The following ZBTB20 variants were observed in gnomAD, a reference collection of about 807,000 sequenced individuals.
ZBTB20 encodes the protein zinc finger and BTB domain containing 20.
Under a neutral mutation model 56.9 loss-of-function variants are expected in ZBTB20, and 9 were observed. The observed-to-expected ratio is 0.16, with a 90% CI of 0.10 to 0.28. The LOEUF (loss-of-function observed/expected upper bound fraction) is 0.28, where lower values mean the gene tolerates loss of function less well. Ranked by LOEUF, ZBTB20 falls within the 10% of genes least tolerant of loss-of-function variation. The pLI is 1.00. For missense variants in ZBTB20, 655 were observed against 1,003.0 expected (o/e 0.65, Z 4.69); for synonymous variants, 417 against 420.7 (o/e 0.99, Z 0.11).
At chr3:114,561,039 A>C (rs887493078) in intron 6 of ZBTB20, among the ~76,000 whole-genome samples, 5 of 152,224 alleles carry the variant, frequency 3.3e-5, no homozygotes, top group Non-Finnish European at 2.9e-5. Flanking sequence ...ATTCCATCTC[A>C]AGAAACTCAC....
At position 114,946,529 on chromosome 3, in the gene ZBTB20, G is replaced by T. The variant is rs1255967957; in HGVS notation, c.-456+27837C>A. 2.1e-5 allele frequency among the ~76,000 whole-genome samples: 3 copies of T among 145,088 alleles called. 1 individual carries two copies. Among genetic ancestry groups the T allele is most frequent in the African/African-American group, 8.5e-5 (3 of 35,462 alleles). On this transcript the variant is annotated intron_variant, in intron 3 of 11. Transcript: ENST00000675478. ...TAACCTTAACAGGAATGAAAAAATG[G>T]AGTATTGTTACAGATGCTACAGACA...
chr3:114,719,773 C>T (rs2064778847), intron 5 of ZBTB20, among the ~76,000 whole-genome samples: 1 of 152,110 alleles, frequency 6.6e-6, no homozygotes, highest in Admixed American at 6.6e-5. Context: ...AGAATTCGCA[C>T]AATCTTGATA....
Position 114,519,086 on chromosome 3 carries a change from C to T in ZBTB20, c.-294-18695G>A, listed in dbSNP as rs1404731068. The T allele has an allele frequency of 2.0e-5, 3 of 152,358 alleles. No homozygotes were observed. In the East Asian group the frequency reaches 5.8e-4, roughly 29 times the overall value. The allele number at this position is 152,358 out of a possible 1,614,324, so 9.4% of individuals were successfully genotyped here. ...GAAGCACCCCAGAAAAGCCTCATTG[C>T]TTCATCCTCATTCCCTTCAAGACCT... is the stretch of plus-strand genomic sequence containing the variant. On this transcript the variant is annotated intron_variant, in intron 6 of 11. Coordinates refer to ENST00000675478, the MANE Select transcript of ZBTB20 (RefSeq NM_001348800.3).
At chr3:114,523,773 G>T (rs921787525) in intron 6 of ZBTB20, among the ~76,000 whole-genome samples, 2 of 152,152 alleles carry the variant, frequency 1.3e-5, no homozygotes, top group Non-Finnish European at 2.9e-5. Context: ...AAAAAGAAAG[G>T]TTCTAAGTTG....
chr3:114,432,124 T>C (rs57405874), intron 7 of ZBTB20, among the ~76,000 whole-genome samples: 9,437 of 151,106 alleles, frequency 0.062, 971 homozygotes, highest in African/African-American at 0.22. Flanking sequence ...CTCAAAGACA[T>C]TAATGTGGAT....
chr3:114,802,321 T>C (rs1027630420), intron 4 of ZBTB20, among the ~76,000 whole-genome samples: 2 of 151,962 alleles, frequency 1.3e-5, no homozygotes, highest in African/African-American at 2.4e-5. Context: ...TGTACTATTA[T>C]TAGAAAGCAT....
At chr3:114,841,596 G>A (rs2074386164) in intron 4 of ZBTB20, among the ~76,000 whole-genome samples, 1 of 152,192 alleles carries the variant, frequency 6.6e-6, no homozygotes, top group Admixed American at 6.5e-5. Context: ...AAGATCAAAA[G>A]TACCAGGTGA....
intron 2 of ZBTB20, among the ~76,000 whole-genome samples, chr3:115,016,103 C>T (rs1028206957): frequency 6.6e-6 from 1 of 151,958 alleles, no homozygotes; most frequent in African/African-American, 2.4e-5. Flanking sequence ...TTGTTGGCTG[C>T]ATAAATGTCT....
intron 4 of ZBTB20, among the ~76,000 whole-genome samples, chr3:114,899,986 T>C (rs36075515): frequency 0.43 from 65,028 of 151,968 alleles, 14,830 homozygotes; most frequent in Non-Finnish European, 0.52. Context: ...AACTGTGGTT[T>C]TGCAATGGTC....
At chr3:114,644,211 C>T (rs766309232) in intron 6 of ZBTB20, among the ~76,000 whole-genome samples, 9 of 151,832 alleles carry the variant, frequency 5.9e-5, no homozygotes, top group Non-Finnish European at 1.0e-4. Context: ...TAGCTCAATA[C>T]CATTGAAAGC....
At chr3:114,412,652 A>G (rs990260400) in intron 7 of ZBTB20, among the ~76,000 whole-genome samples, 3 of 152,130 alleles carry the variant, frequency 2.0e-5, no homozygotes, top group African/African-American at 7.2e-5. Flanking sequence ...TTTTGGTCAC[A>G]GATTTCTGCT....
At chr3:114,886,622 G>A (rs2076611411) in intron 4 of ZBTB20, among the ~76,000 whole-genome samples, 2 of 152,194 alleles carry the variant, frequency 1.3e-5, no homozygotes, top group Non-Finnish European at 2.9e-5. Context: ...AAAGTTGGAT[G>A]ATACCAATGT....
At chr3:114,428,936 T>C (rs1010716357) in intron 7 of ZBTB20, among the ~76,000 whole-genome samples, 4 of 152,164 alleles carry the variant, frequency 2.6e-5, no homozygotes, top group Non-Finnish European at 1.5e-5. Flanking sequence ...TTTGGGGCTA[T>C]GAGGAATCCA....
At chr3:115,107,713 A>G (rs1290454677) in intron 1 of ZBTB20, among the ~76,000 whole-genome samples, 1 of 152,202 alleles carries the variant, frequency 6.6e-6, no homozygotes, top group Admixed American at 6.5e-5. Flanking sequence ...CTGTAGCACT[A>G]TTTACAATAG....
intron 5 of ZBTB20, among the ~76,000 whole-genome samples, chr3:114,705,291 A>T (rs892089283): frequency 6.6e-6 from 1 of 152,154 alleles, no homozygotes; most frequent in South Asian, 2.1e-4. Flanking sequence ...GAGGAAAAAA[A>T]ATAAAGGGAA....
intron 1 of ZBTB20, among the ~76,000 whole-genome samples, chr3:115,146,101 C>T (rs2084958467): frequency 6.6e-6 from 1 of 152,202 alleles, no homozygotes; most frequent in Admixed American, 6.5e-5. Flanking sequence ...GACAGTACTA[C>T]ACCCGCAAGC....
intron 4 of ZBTB20, among the ~76,000 whole-genome samples, chr3:114,824,259 TTA>T (rs1042819154): frequency 1.4e-4 from 22 of 152,030 alleles, no homozygotes; most frequent in Admixed American, 1.4e-3. Flanking sequence ...ACATTTGTGT[TTA>T]TATGTTATTT....
chr3:114,805,796 C>G (rs1020355631), intron 4 of ZBTB20, among the ~76,000 whole-genome samples: 5 of 151,810 alleles, frequency 3.3e-5, no homozygotes, highest in African/African-American at 1.2e-4. Context: ...TATTTTCTCT[C>G]TCTATAAATT....
At chr3:114,804,563 T>C (rs901302742) in intron 4 of ZBTB20, among the ~76,000 whole-genome samples, 2 of 151,970 alleles carry the variant, frequency 1.3e-5, no homozygotes, top group Admixed American at 6.6e-5. Flanking sequence ...GCCCTGTTTG[T>C]GGTCAGCATA....
Sources: gnomAD v4.1 joint callset for allele counts (sites outside exome capture counted in the v4.1 genomes callset) on GRCh38, gnomAD v4.1.1 for gene constraint, MANE v1.5 for transcripts, NCBI Gene and HGNC (gene_info 2026-07-23, HGNC 2026-07-21) for gene names.